The following SPAG9 variants were observed in gnomAD, a reference collection of about 807,000 sequenced individuals.
SPAG9 encodes the protein C-Jun-amino-terminal kinase-interacting protein 4.
In SPAG9, 35 loss-of-function variants were observed where a neutral mutation model predicts 166.5. That is an observed-to-expected ratio of 0.21 (90% CI 0.16 to 0.28). The LOEUF (loss-of-function observed/expected upper bound fraction) is 0.28. Among genes scored for constraint, SPAG9 ranks in the 10% least tolerant of loss-of-function variants. SPAG9 has a pLI of 1.00. For missense variants in SPAG9, 1,235 were observed against 1,603.3 expected (o/e 0.77, Z 3.92); for synonymous variants, 534 against 565.5 (o/e 0.94, Z 0.79).
intron 6 of SPAG9, among the ~76,000 whole-genome samples, chr17:51,025,319 A>G (rs2046118299): frequency 3.5e-5 from 2 of 56,660 alleles, no homozygotes; most frequent in South Asian, 9.9e-4. Flanking sequence ...TCTGTCTCAA[A>G]AAAAAAAAAA....
Position 50,966,331 on chromosome 17 carries a change from C to T in SPAG9, c.3907G>A (p.Val1303Ile). Residue 1303 changes from valine to isoleucine, a missense_variant, in exon 30 of 30, where the codon GTC becomes ATC. Around this residue, in one of 6 missense-constraint regions of SPAG9, gnomAD observed 243 missense variants for 358.6 expected, o/e 0.68. Transcript: ENST00000262013. ...LGEDLPLEPSVTKAERSHLIV... is the reference protein window; with the variant it reads ...LGEDLPLEPSITKAERSHLIV... ...AAGTGACTCCTTTCTGCTTTGGTGA[C>T]AGAAGGTTCAAGTGGAAGATCCTCT... 1 of 1,614,122 alleles carries T rather than the reference C, an allele frequency of 6.2e-7. No homozygotes were observed. The highest frequency in any genetic ancestry group is 1.1e-5 in the South Asian group (1 of 91,084).
At chr17:51,023,665 ATTC>A (rs1404221808) in intron 6 of SPAG9, among the ~76,000 whole-genome samples, 8 of 152,166 alleles carry the variant, frequency 5.3e-5, no homozygotes, top group South Asian at 4.1e-4. Context: ...CGTACATGAA[ATTC>A]TTCTTTTTTT....
Position 51,020,202 on chromosome 17 carries a change from C to A in SPAG9, c.1048G>T (p.Glu350Ter). The change falls in exon 8 of 30, where the codon GAG (glutamate) becomes TAG (stop). Residue 350 changes from glutamate to a stop codon, truncating the protein, a stop_gained. Transcript: ENST00000262013. LOFTEE classifies it high-confidence loss of function. ...EVQAIIESTP[E>*]LDMDKDLSGY... ...CTGAGATCTTTGTCCATATCCAGCT[C>A]AGGAGTAGATTCGATGATTGCTTGA... 1 of 1,613,686 alleles carries A rather than the reference C, an allele frequency of 6.2e-7. No homozygotes were observed. Among genetic ancestry groups the A allele is most frequent in the Non-Finnish European group, 8.5e-7 (1 of 1,179,680 alleles).
intron 25 of SPAG9, among the ~76,000 whole-genome samples, chr17:50,981,806 C>T (rs1001998575): frequency 4.6e-5 from 7 of 150,958 alleles, no homozygotes; most frequent in East Asian, 3.9e-4. Context: ...CCAAGGTGGG[C>T]GGATCACGAG....
chr17:50,998,498 G>A lies in SPAG9; in HGVS notation c.1784C>T (p.Thr595Ile), dbSNP rs1489857822. 1 of 1,614,156 alleles carries A rather than the reference G, an allele frequency of 6.2e-7. No individual in the cohort carries two copies. The highest frequency in any genetic ancestry group is 8.5e-7 in the Non-Finnish European group (1 of 1,180,012). Residue 595 changes from threonine to isoleucine, a missense_variant, in exon 15 of 30, where the codon ACC (threonine) becomes ATC (isoleucine). Thr to Ile is a moderately conservative substitution (Grantham distance 89). Around this residue, in one of 6 missense-constraint regions of SPAG9, gnomAD observed 493 missense variants for 559.4 expected, o/e 0.88. Coordinates refer to ENST00000262013, the MANE Select transcript of SPAG9 (RefSeq NM_001130528.3). Reference protein sequence around the residue: ...VTPSVKKRSSTLSQLPGDKSK... With the variant: ...VTPSVKKRSSILSQLPGDKSK... ...CTTATCCCCAGGGAGCTGAGATAAG[G>A]TGCTGCTTCTTTTCTTGACGGACGG...
At chr17:51,085,605 G>A (rs1046823588) in intron 1 of SPAG9, 2 of 152,128 alleles carry the variant, frequency 1.3e-5, no homozygotes, top group African/African-American at 2.4e-5. Flanking sequence ...AGGAAAGTAC[G>A]AGCAATAATA....
At chr17:51,055,150 C>A (rs1308934945) in intron 3 of SPAG9, among the ~76,000 whole-genome samples, 2 of 152,068 alleles carry the variant, frequency 1.3e-5, no homozygotes, top group Non-Finnish European at 2.9e-5. Context: ...GAGCTCAAGA[C>A]CAGCCTGGCC....
chr17:51,113,510 T>A (rs370180328), intron 1 of SPAG9, among the ~76,000 whole-genome samples: 1 of 150,848 alleles, frequency 6.6e-6, no homozygotes, highest in Non-Finnish European at 1.5e-5. Context: ...TAAAACCCCA[T>A]CTCTATTAAA....
At chr17:51,031,351 C>T in intron 6 of SPAG9, 3 of 325,496 alleles carry the variant, frequency 9.2e-6, no homozygotes, top group Non-Finnish European at 1.8e-5. Flanking sequence ...ATACAAGTTA[C>T]ATACATTATG....
intron 10 of SPAG9, among the ~76,000 whole-genome samples, chr17:51,006,953 G>A (rs1302570094): frequency 3.3e-5 from 5 of 152,078 alleles, no homozygotes; most frequent in Non-Finnish European, 5.9e-5. Flanking sequence ...AAATGTTAAG[G>A]GAGGGAGCAA....
At chr17:51,070,018 G>A (rs531526564) in intron 2 of SPAG9, among the ~76,000 whole-genome samples, 52 of 151,960 alleles carry the variant, frequency 3.4e-4, no homozygotes, top group African/African-American at 9.9e-4. Flanking sequence ...GCTCCCTCAC[G>A]GGAGGGCTGA....
chr17:51,043,314 A>G (rs1405951019), intron 4 of SPAG9, among the ~76,000 whole-genome samples: 1 of 152,216 alleles, frequency 6.6e-6, no homozygotes, highest in East Asian at 1.9e-4. Context: ...AATGCTGTTC[A>G]GCAACAAAGT....
chr17:50,967,802 CA>C (rs1021928973), intron 29 of SPAG9, among the ~76,000 whole-genome samples: 1 of 152,060 alleles, frequency 6.6e-6, no homozygotes, highest in Non-Finnish European at 1.5e-5. Context: ...AATGGACCCC[CA>C]AAAAAGATCA....
chr17:51,028,376 C>T (rs1283926188), intron 6 of SPAG9, among the ~76,000 whole-genome samples: 1 of 152,188 alleles, frequency 6.6e-6, no homozygotes, highest in Non-Finnish European at 1.5e-5. Context: ...CACTGACTCA[C>T]CAAGAGCATT....
In SPAG9 at chr17:50,999,722, A is replaced by G. The variant is rs1008144486; in HGVS notation, c.1608-5T>C. 9 of 1,611,096 alleles carry G rather than the reference A, an allele frequency of 5.6e-6. No individual in the cohort carries two copies. Among genetic ancestry groups the G allele is most frequent in the Non-Finnish European group, 7.6e-6 (9 of 1,178,534 alleles). On this transcript the variant is annotated splice_polypyrimidine_tract_variant and splice_region_variant and intron_variant, in intron 13 of 29. Coordinates refer to ENST00000262013, the MANE Select transcript of SPAG9 (RefSeq NM_001130528.3). ...GCTGGATTTTCTCGTGATGCCCTAC[A>G]TTCAAAAAGAAAAGAAAAGAAACAT...
intron 1 of SPAG9, among the ~76,000 whole-genome samples, chr17:51,102,917 A>T (rs2048847087): frequency 6.6e-6 from 1 of 152,152 alleles, no homozygotes; most frequent in Non-Finnish European, 1.5e-5. Flanking sequence ...GTGTGTTGCT[A>T]TACCCGGCTT....
At chr17:51,024,595 C>T (rs951176653) in intron 6 of SPAG9, among the ~76,000 whole-genome samples, 1 of 151,762 alleles carries the variant, frequency 6.6e-6, no homozygotes, top group African/African-American at 2.4e-5. Flanking sequence ...CGTCTGTAAT[C>T]CCAGCTATTA....
At chr17:50,966,550 T>C (rs1973378251) in intron 29 of SPAG9, among the ~76,000 whole-genome samples, 163 bp from the exon 30 acceptor site, 1 of 152,182 alleles carries the variant, frequency 6.6e-6, no homozygotes, top group Admixed American at 6.5e-5. Flanking sequence ...GTCAGAATCC[T>C]CACCCATATT....
At chr17:51,093,840 G>A (rs988364828) in intron 1 of SPAG9, among the ~76,000 whole-genome samples, 2 of 152,040 alleles carry the variant, frequency 1.3e-5, no homozygotes, top group African/African-American at 4.8e-5. Context: ...AATATCCCTA[G>A]TAGGTAGACA....
Sources: gnomAD v4.1 joint callset for allele counts (sites outside exome capture counted in the v4.1 genomes callset) on GRCh38, gnomAD v4.1.1 for gene constraint, gnomAD v4.1.1 regional missense constraint, MANE v1.5 for transcripts, NCBI Gene and HGNC (gene_info 2026-07-23, HGNC 2026-07-21) for gene names.